Variants in SHISA9 observed in about 807,000 individuals in gnomAD.
The protein encoded by SHISA9 is protein shisa-9.
A neutral mutation model predicts 38.0 loss-of-function variants in SHISA9; 13 were observed. The observed-to-expected ratio is 0.34, with a 90% CI of 0.22 to 0.54. The LOEUF (loss-of-function observed/expected upper bound fraction) is 0.54. Ranked by LOEUF, SHISA9 falls within the 20% of genes least tolerant of loss-of-function variation. The probability of loss-of-function intolerance (pLI) is 0.91; values close to 1 mark genes in which losing one functional copy is unlikely to be tolerated. For synonymous variants in SHISA9, 275 were observed against 242.0 expected, an observed-to-expected ratio of 1.14 and a Z score of -1.27; for missense variants, 538 against 575.8, an observed-to-expected ratio of 0.93 and a Z score of 0.67.
intron 2 of SHISA9, among the ~76,000 whole-genome samples, chr16:12,961,496 C>T (rs1357199560): frequency 1.3e-5 from 2 of 152,104 alleles, no homozygotes; most frequent in Admixed American, 6.5e-5. Context: ...ACCATATTAC[C>T]TCCTCACAAT....
chr16:13,169,282 C>T (rs537281793), intron 2 of SHISA9, among the ~76,000 whole-genome samples: 90 of 152,216 alleles, frequency 5.9e-4, no homozygotes, highest in African/African-American at 2.0e-3. Context: ...TAGTTCATTA[C>T]GAAAATAGTG....
At chr16:13,195,679 C>T (rs1355035696) in intron 2 of SHISA9, among the ~76,000 whole-genome samples, 2 of 152,090 alleles carry the variant, frequency 1.3e-5, no homozygotes, top group African/African-American at 2.4e-5. Flanking sequence ...ACATCAATAG[C>T]GATGAGTCAT....
At chr16:13,054,597 G>A (rs1317820720) in intron 2 of SHISA9, among the ~76,000 whole-genome samples, 1 of 152,144 alleles carries the variant, frequency 6.6e-6, no homozygotes, top group Admixed American at 6.5e-5. Context: ...TATTTTCAGG[G>A]CAACAATGGG....
At chr16:13,424,968 C>T in the SHISA9 span, among the ~76,000 whole-genome samples, 1 of 152,168 alleles carries the variant, frequency 6.6e-6, no homozygotes, top group African/African-American at 2.4e-5. Context: ...TCCAAATAAA[C>T]TCTTCATTCA....
In SHISA9 at chr16:13,036,222, A is replaced by G. The variant is rs541549416; in HGVS notation, c.691+119407A>G. On this transcript the variant is annotated intron_variant, in intron 2 of 4. Transcript: ENST00000558583. The stretch of plus-strand genomic sequence containing the variant: ...GAGTAGCTTTATTTGTAATAGCTCC[A>G]AGCTAAAAGTAACCCCCAAATCTAT... 2.6e-5 allele frequency among the ~76,000 whole-genome samples: 4 copies of G among 152,364 alleles called. 1 individual carries two copies. In the South Asian group the frequency reaches 8.3e-4, roughly 32 times the overall value.
chr16:13,366,413 T>C, the SHISA9 span, among the ~76,000 whole-genome samples: 1 of 152,226 alleles, frequency 6.6e-6, no homozygotes, highest in African/African-American at 2.4e-5. Context: ...TTATTGTGCA[T>C]ACAGATCACT....
the SHISA9 span, among the ~76,000 whole-genome samples, chr16:13,416,761 A>AGGAAGGAAG: frequency 2.4e-4 from 31 of 130,772 alleles, no homozygotes; most frequent in Non-Finnish European, 4.1e-4. Flanking sequence ...GAAGGAAGGA[A>AGGAAGGAAG]GGAAGGAAGG....
intron 2 of SHISA9, among the ~76,000 whole-genome samples, chr16:13,144,762 G>A (rs2050432482): frequency 6.6e-6 from 1 of 152,122 alleles, no homozygotes; most frequent in Non-Finnish European, 1.5e-5. Context: ...GAGGGCAGCG[G>A]AAGCCGCCAC....
intron 4 of SHISA9, among the ~76,000 whole-genome samples, chr16:13,216,285 T>G (rs1052142043): frequency 7.9e-5 from 12 of 152,118 alleles, no homozygotes; most frequent in African/African-American, 2.7e-4. Flanking sequence ...TTTGCTAGTC[T>G]TGTTGTCTTC....
chr16:12,939,042 A>G (rs1474438606), intron 2 of SHISA9, among the ~76,000 whole-genome samples: 1 of 151,844 alleles, frequency 6.6e-6, no homozygotes, highest in African/African-American at 2.4e-5. Context: ...AAGTAGTTTC[A>G]TCTCTTCTCT....
At chr16:13,197,145 G>GTGTATA (rs1567244020) in intron 2 of SHISA9, among the ~76,000 whole-genome samples, 1 of 119,686 alleles carries the variant, frequency 8.4e-6, no homozygotes, top group African/African-American at 3.1e-5. Context: ...ACATATATGT[G>GTGTATA]TATATATATA....
chr16:13,082,456 A>G (rs2073661747), intron 2 of SHISA9: 1 of 152,184 alleles, frequency 6.6e-6, no homozygotes. Context: ...CAGCTGCAGC[A>G]GCTGCACAAT....
chr16:13,135,213 G>A (rs568229596), intron 2 of SHISA9, among the ~76,000 whole-genome samples: 1 of 152,304 alleles, frequency 6.6e-6, no homozygotes, highest in South Asian at 2.1e-4. Context: ...TCTGGATTGT[G>A]AGGAGCAAAT....
chr16:13,417,734 T>C, the SHISA9 span, among the ~76,000 whole-genome samples: 1 of 152,212 alleles, frequency 6.6e-6, no homozygotes, highest in African/African-American at 2.4e-5. Flanking sequence ...TGTGCCTGGA[T>C]GATGAGATCT....
the SHISA9 span, among the ~76,000 whole-genome samples, chr16:13,359,654 T>C: frequency 6.6e-6 from 1 of 152,236 alleles, no homozygotes; most frequent in East Asian, 1.9e-4. Flanking sequence ...GGTTCTCATA[T>C]GTCAAATACC....
At chr16:13,112,547 G>T (rs1226535731) in intron 2 of SHISA9, among the ~76,000 whole-genome samples, 4 of 152,056 alleles carry the variant, frequency 2.6e-5, no homozygotes, top group African/African-American at 4.8e-5. Flanking sequence ...GAATCAACTG[G>T]AATCCCTGGG....
intron 3 of SHISA9, among the ~76,000 whole-genome samples, chr16:13,204,210 G>GTCTATCTA (rs199860829): frequency 0.037 from 5,224 of 141,042 alleles, 111 homozygotes; most frequent in East Asian, 0.056. Context: ...CTGTCTGTCT[G>GTCTATCTA]TCTATCTATC....
intron 2 of SHISA9, among the ~76,000 whole-genome samples, chr16:13,025,913 C>T (rs2072915301): frequency 6.6e-6 from 1 of 152,084 alleles, no homozygotes. Flanking sequence ...TCAAGCGATT[C>T]TCCTGCCTCA....
chr16:13,212,189 A>G (rs1439505336), intron 3 of SHISA9, among the ~76,000 whole-genome samples: 1 of 152,194 alleles, frequency 6.6e-6, no homozygotes, highest in East Asian at 1.9e-4. Context: ...ATATCTCTGG[A>G]AATAGTGCCA....
Sources: gnomAD v4.1 joint callset for allele counts (sites outside exome capture counted in the v4.1 genomes callset) on GRCh38, gnomAD v4.1.1 for gene constraint, MANE v1.5 for transcripts, NCBI Gene and HGNC (gene_info 2026-07-23, HGNC 2026-07-21) for gene names.